ERCC8: variants seen among roughly 807,000 people sequenced by gnomAD.
ERCC8 encodes the protein ERCC excision repair 8, CSA ubiquitin ligase complex subunit, also known as DNA excision repair protein ERCC-8.
ERCC8 carries 52 observed loss-of-function variants against 54.9 expected under a neutral mutation model. That is an observed-to-expected ratio of 0.95 (90% CI 0.76 to 1.19). The LOEUF is 1.19. ERCC8 is among the 50% of genes most tolerant of loss of function. ERCC8 has a pLI of 0.00. For missense variants in ERCC8, 514 were observed against 466.1 expected (o/e 1.10, Z -0.95); for synonymous variants, 146 against 157.2 (o/e 0.93, Z 0.53).
At chr5:60,910,009 A>G (rs1481274726) in intron 4 of ERCC8, 1 of 152,132 alleles carries the variant, frequency 6.6e-6, no homozygotes, top group African/African-American at 2.4e-5. Context: ...TGTATTACAT[A>G]TAACATACAA....
chr5:60,888,242 G>A (rs913591646), intron 10 of ERCC8, among the ~76,000 whole-genome samples: 3 of 152,076 alleles, frequency 2.0e-5, no homozygotes, highest in African/African-American at 7.2e-5. Flanking sequence ...AAGGATGTGG[G>A]AAAAGGGAAA....
intron 11 of ERCC8, among the ~76,000 whole-genome samples, chr5:60,884,251 G>A (rs189175875): frequency 8.9e-4 from 135 of 152,052 alleles, no homozygotes; most frequent in Non-Finnish European, 1.5e-3. Flanking sequence ...AGGCCGAGGC[G>A]GGTGGATCAT....
chr5:60,888,354 C>A (rs1395707404), intron 10 of ERCC8, among the ~76,000 whole-genome samples: 1 of 152,076 alleles, frequency 6.6e-6, no homozygotes, highest in African/African-American at 2.4e-5. Context: ...GACTGTATTA[C>A]AAAATCTAGA....
intron 11 of ERCC8, among the ~76,000 whole-genome samples, chr5:60,887,002 A>G (rs913478641): frequency 1.3e-5 from 2 of 152,200 alleles, no homozygotes; most frequent in African/African-American, 4.8e-5. Flanking sequence ...TACAATGTTA[A>G]TGAGAAAAGT....
At chr5:60,902,390 A>G (rs534264957) in intron 7 of ERCC8, 52 bp downstream of exon 7, 1 of 1,338,314 alleles carries the variant, frequency 7.5e-7, no homozygotes, top group Admixed American at 1.7e-5. Flanking sequence ...TAGACTTTTC[A>G]AAATGCTTAT....
At chr5:60,905,400 T>C (rs1308054082) in intron 4 of ERCC8, among the ~76,000 whole-genome samples, 3 of 152,182 alleles carry the variant, frequency 2.0e-5, no homozygotes, top group African/African-American at 7.2e-5. Context: ...TCTACTTCTC[T>C]TCCTCTCCAG....
At chr5:60,893,353 C>T (rs1253211146) in intron 9 of ERCC8, 2 of 848,632 alleles carry the variant, frequency 2.4e-6, no homozygotes, top group Non-Finnish European at 4.1e-6. Context: ...TCTTGATAGA[C>T]CTGCGTTTTT....
At chr5:60,895,406 C>T (rs1339349615) in intron 9 of ERCC8, among the ~76,000 whole-genome samples, 1 of 152,078 alleles carries the variant, frequency 6.6e-6, no homozygotes, top group African/African-American at 2.4e-5. Context: ...AAATATTAAA[C>T]TCATTTTGGT....
chr5:60,942,173 G>A (rs935573204), intron 1 of ERCC8, among the ~76,000 whole-genome samples: 3 of 152,072 alleles, frequency 2.0e-5, no homozygotes, highest in African/African-American at 4.8e-5. Context: ...AATGAAAGCA[G>A]GAAAGGGGAA....
intron 4 of ERCC8, among the ~76,000 whole-genome samples, chr5:60,905,174 G>C (rs973937645): frequency 6.6e-6 from 1 of 152,128 alleles, no homozygotes; most frequent in Non-Finnish European, 1.5e-5. Flanking sequence ...AGGGGGCTCA[G>C]CATCTACATG....
rs115224412 is a variant in ERCC8 at position 60,875,340 on chromosome 5, C to G, written c.1123-657G>C. Among the ~76,000 whole-genome samples, 499 of 152,264 alleles carry G rather than the reference C, an allele frequency of 3.3e-3. 2 individuals are homozygous for G. Among genetic ancestry groups the G allele is most frequent in the African/African-American group, 0.012 (482 of 41,550 alleles). ...TCAGAAATGGTAACACGTTTATAGTCAGCACATAGGTTTCCCTCAGGGATT... is the reference window on the plus strand; with the variant it reads ...TCAGAAATGGTAACACGTTTATAGTGAGCACATAGGTTTCCCTCAGGGATT... On this transcript the variant is annotated intron_variant, in intron 11 of 11. Transcript: ENST00000676185.
At chr5:60,938,085 ATT>A (rs762592885) in intron 1 of ERCC8, among the ~76,000 whole-genome samples, 1 of 18,688 alleles carries the variant, frequency 5.4e-5, no homozygotes, top group Non-Finnish European at 1.1e-4. Context: ...ATATATATAT[ATT>A]TTATTTTTTT....
intron 9 of ERCC8, chr5:60,893,494 T>A: frequency 1.1e-6 from 1 of 894,050 alleles, no homozygotes. Flanking sequence ...TGGAGGTTGC[T>A]TTCTTCCCAT....
rs554447301 is a variant in ERCC8, at chr5:60,914,062, A to G, written c.399+4203T>C. Reference sequence around the variant, plus strand: ...CAATGTGGTGCTGGGAAGAATGTATATTCTGTTGATTTGGGGTGGAGAGTT... The same window carrying G: ...CAATGTGGTGCTGGGAAGAATGTATGTTCTGTTGATTTGGGGTGGAGAGTT... On this transcript the variant is annotated intron_variant, in intron 4 of 11. Coordinates refer to ENST00000676185, the MANE Select transcript of ERCC8 (RefSeq NM_000082.4). Among the ~76,000 whole-genome samples the G allele has an allele frequency of 4.6e-5, 7 of 152,232 alleles. No individual in the cohort carries two copies. The South Asian group carries it at 1.5e-3, about 32-fold the overall frequency.
intron 11 of ERCC8, among the ~76,000 whole-genome samples, chr5:60,878,082 G>A (rs567498692): frequency 6.6e-5 from 10 of 152,262 alleles, no homozygotes; most frequent in African/African-American, 2.2e-4. Flanking sequence ...TTAGCATGAA[G>A]GTTGTTGAAT....
At position 60,933,216 on chromosome 5, in the gene ERCC8, C is replaced by CTT. The variant is rs143139297; in HGVS notation, c.78-4259_78-4258dup. ...ATGTATGCATTTTTTCCTTTTTTTTCTTTTTTTTTTTTTTTTTTTTGAGAC... is the reference window on the plus strand; with the variant it reads ...ATGTATGCATTTTTTCCTTTTTTTTCTTTTTTTTTTTTTTTTTTTTTTGAGAC... On this transcript the variant is annotated intron_variant, in intron 1 of 11. Transcript: ENST00000676185. Among the ~76,000 whole-genome samples, 256 of 89,490 alleles carry CTT rather than the reference C, an allele frequency of 2.9e-3. 6 individuals carry two copies. The highest frequency in any genetic ancestry group is 4.1e-3 in the South Asian group (10 of 2,436). The allele number at this position is 89,490 out of a possible 152,430, so 58.7% of individuals were successfully genotyped here.
chr5:60,934,100 C>CG (rs1382880690), intron 1 of ERCC8, among the ~76,000 whole-genome samples: 2 of 152,128 alleles, frequency 1.3e-5, no homozygotes, highest in African/African-American at 4.8e-5. Flanking sequence ...GGTGGATACC[C>CG]GGGAGTGGGA....
At chr5:60,910,709 A>G (rs1749231843) in intron 4 of ERCC8, among the ~76,000 whole-genome samples, 1 of 152,252 alleles carries the variant, frequency 6.6e-6, no homozygotes, top group East Asian at 1.9e-4. Flanking sequence ...CAGAAATATA[A>G]TTTACCTTGT....
intron 4 of ERCC8, among the ~76,000 whole-genome samples, chr5:60,908,914 T>TCACA (rs1254186935): frequency 8.5e-5 from 13 of 152,124 alleles, no homozygotes; most frequent in Middle Eastern, 6.8e-3. Context: ...AATCCATCTT[T>TCACA]TATGTGGGTG....
Sources: gnomAD v4.1 joint callset for allele counts (sites outside exome capture counted in the v4.1 genomes callset) on GRCh38, gnomAD v4.1.1 for gene constraint, MANE v1.5 for transcripts, NCBI Gene and HGNC (gene_info 2026-07-23, HGNC 2026-07-21) for gene names.